The following MAST1 variants were observed in gnomAD, a reference collection of about 807,000 sequenced individuals.
The protein encoded by MAST1 is microtubule associated serine/threonine kinase 1.
MAST1 carries 40 observed loss-of-function variants against 124.6 expected under a neutral mutation model. That is an observed-to-expected ratio of 0.32 (90% CI 0.25 to 0.42). MAST1 has a LOEUF of 0.42. Among genes scored for constraint, MAST1 ranks in the 10% least tolerant of loss-of-function variants. MAST1 has a pLI of 1.00. For missense variants in MAST1, 1,558 were observed against 2,181.9 expected (o/e 0.71, Z 5.70); for synonymous variants, 938 against 939.4 (o/e 1.00, Z 0.03).
chr19:12,857,475 G>T lies in MAST1; in HGVS notation c.1078-887G>T, dbSNP rs1388164746. Among the ~76,000 whole-genome samples the T allele has an allele frequency of 3.1e-4, 47 of 150,246 alleles. No homozygotes were observed. The Admixed American group carries it at 3.1e-3, about 10-fold the overall frequency. Reference sequence around the variant, plus strand: ...CACCCAGGCTGAAGTGCAGTGGCATGATCTCTGCTCACTGCAAGCTCTGCC... The same window carrying T: ...CACCCAGGCTGAAGTGCAGTGGCATTATCTCTGCTCACTGCAAGCTCTGCC... On this transcript the variant is annotated intron_variant, in intron 10 of 25. Transcript: ENST00000251472.
In MAST1 at chr19:12,847,924, A is replaced by T; in HGVS notation, c.641A>T (p.Asp214Val). 6.2e-7 allele frequency: 1 copy of T among 1,614,010 alleles called. No homozygotes were observed. Among genetic ancestry groups the T allele is most frequent in the Non-Finnish European group, 8.5e-7 (1 of 1,179,960 alleles). The change falls in exon 7 of 26, where the codon GAT (aspartate) becomes GTT (valine). Residue 214 changes from aspartate to valine, a missense_variant. By Grantham distance (152) the Asp-to-Val change is radical. Coordinates refer to ENST00000251472, the MANE Select transcript of MAST1 (RefSeq NM_014975.3). The surrounding 1 kb of genome is among the most constrained non-coding windows in gnomAD (Gnocchi z 5.5). The stretch of plus-strand genomic sequence containing the variant: ...CCCGACAGCGTTCTGCCTCTGGCCG[A>T]TGGCGTGCTCAGCTTCATCCACCAC... Reference protein sequence around the residue: ...YEPDSVLPLADGVLSFIHHQI... With the variant: ...YEPDSVLPLAVGVLSFIHHQI...
chr19:12,874,517 G>C lies in MAST1; in HGVS notation c.4360G>C (p.Gly1454Arg). 6.5e-7 allele frequency: 1 copy of C among 1,537,754 alleles called. No homozygotes were observed. Among genetic ancestry groups the C allele is most frequent in the Admixed American group, 1.9e-5 (1 of 51,836 alleles). Residue 1454 changes from glycine to arginine, a missense_variant, in exon 26 of 26, where the codon GGC (glycine) becomes CGC (arginine). Transcript: ENST00000251472. This position sits in a 1 kb window ranked among gnomAD's most constrained non-coding sequence, Gnocchi z 6.6. ...GAKAVVPQPLGADSKGLQEPA... is the reference protein window; with the variant it reads ...GAKAVVPQPLRADSKGLQEPA... Reference sequence around the variant, plus strand: ...TAAGGCTGTGGTGCCTCAGCCTCTGGGCGCGGACTCCAAGGGGTTGCAGGA... The same window carrying C: ...TAAGGCTGTGGTGCCTCAGCCTCTGCGCGCGGACTCCAAGGGGTTGCAGGA...
chr19:12,856,892 G>A (rs2145899709), intron 10 of MAST1, among the ~76,000 whole-genome samples: 1 of 152,258 alleles, frequency 6.6e-6, no homozygotes, highest in East Asian at 1.9e-4. Flanking sequence ...CTGAGTCAAA[G>A]GGAACATGTA....
chr19:12,846,264 G>A (rs138229963), intron 4 of MAST1, among the ~76,000 whole-genome samples: 211 of 151,868 alleles, frequency 1.4e-3, no homozygotes, highest in African/African-American at 5.0e-3. Context: ...TGTTGCCCAG[G>A]CTGGTCTCAA....
chr19:12,869,176 A>G lies in MAST1; in HGVS notation c.2884A>G (p.Ser962Gly), dbSNP rs530482059. Residue 962 changes from serine to glycine, a missense_variant, in exon 22 of 26, where the codon AGT becomes GGT. Around this residue, in one of 10 missense-constraint regions of MAST1, gnomAD observed 291 missense variants for 475.8 expected, o/e 0.61. Coordinates refer to ENST00000251472, the MANE Select transcript of MAST1 (RefSeq NM_014975.3). Reference sequence around the variant, plus strand: ...CAGCCGGGACTACTCACCAGCTGTCAGTGGGCTCCGCTCCCCCATCACCAT... The same window carrying G: ...CAGCCGGGACTACTCACCAGCTGTCGGTGGGCTCCGCTCCCCCATCACCAT... ...SPSRDYSPAVSGLRSPITIQR... is the reference protein window; with the variant it reads ...SPSRDYSPAVGGLRSPITIQR... 6 of 1,614,188 alleles carry G rather than the reference A, an allele frequency of 3.7e-6. No homozygotes were observed. The highest frequency in any genetic ancestry group is 5.1e-6 in the Non-Finnish European group (6 of 1,180,028).
In MAST1 at chr19:12,867,781, C is replaced by G. The variant is rs755178060; in HGVS notation, c.2370C>G (p.Pro790=). The G allele has an allele frequency of 1.5e-5, 23 of 1,562,982 alleles. No homozygotes were observed. The East Asian group carries it at 5.5e-4, about 37-fold the overall frequency. The change falls in exon 20 of 26, where the codon CCC becomes CCG. Residue 790 remains proline (P), a synonymous_variant. Coordinates refer to ENST00000251472, the MANE Select transcript of MAST1 (RefSeq NM_014975.3). ...GTTTCCTGGAGGGAGAGGCCAGTCCCCCTTTGGGCGCCCGCCGCCGTTTCT... is the reference window on the plus strand; with the variant it reads ...GTTTCCTGGAGGGAGAGGCCAGTCCGCCTTTGGGCGCCCGCCGCCGTTTCT... ...EASFLEGEAS[P]PLGARRRFSA... is the part of the protein sequence containing the mutation.
chr19:12,844,823 C>G (rs903753788), intron 4 of MAST1, among the ~76,000 whole-genome samples: 1 of 152,096 alleles, frequency 6.6e-6, no homozygotes, highest in African/African-American at 2.4e-5. Context: ...AGATTTTATT[C>G]TAAATCCAGT....
chr19:12,867,286 G>A (rs921982767), intron 18 of MAST1, among the ~76,000 whole-genome samples, 188 bp from the exon 19 acceptor site: 2 of 152,096 alleles, frequency 1.3e-5, no homozygotes, highest in Admixed American at 6.6e-5. Context: ...AGAATAAAAC[G>A]CAGTGCCTAA....
rs1417086512 is a variant in MAST1, at chr19:12,874,094, G to A, written c.3937G>A (p.Glu1313Lys). The A allele has an allele frequency of 6.4e-7, 1 of 1,566,142 alleles. No homozygotes were observed. The highest frequency in any genetic ancestry group is 1.9e-5 in the Admixed American group (1 of 52,182). Reference protein sequence around the residue: ...ALHSLAESDGETPPVEGLGAP... With the variant: ...ALHSLAESDGKTPPVEGLGAP... ...GCATAGCCTTGCCGAGTCCGACGGT[G>A]AGACGCCCCCAGTCGAGGGCCTTGG... is the stretch of plus-strand genomic sequence containing the variant. Residue 1313 changes from glutamate (E) to lysine (K), a missense_variant, in exon 26 of 26, where the codon GAG (glutamate) becomes AAG (lysine). Transcript: ENST00000251472. This position sits in a 1 kb window ranked among gnomAD's most constrained non-coding sequence, Gnocchi z 6.6.
At position 12,868,845 on chromosome 19, in the gene MAST1, T is replaced by G. The variant is rs1970197139; in HGVS notation, c.2769T>G (p.Pro923=). The change falls in exon 21 of 26, where the codon CCT becomes CCG. Residue 923 remains proline (P), a synonymous_variant. Coordinates refer to ENST00000251472, the MANE Select transcript of MAST1 (RefSeq NM_014975.3). ...CCACTGCCTTATCTGTCATGATTCC[T>G]GCAGGTAATGCTGGGCCCCACCTGG... is the stretch of plus-strand genomic sequence containing the variant. ...ASATALSVMI[P]AVDPHGSSPL... The G allele has an allele frequency of 6.4e-7, 1 of 1,573,698 alleles. No individual in the cohort carries two copies. Among genetic ancestry groups the G allele is most frequent in the Non-Finnish European group, 8.6e-7 (1 of 1,156,734 alleles).
chr19:12,862,521 G>A (rs532704928), intron 12 of MAST1, among the ~76,000 whole-genome samples: 1 of 152,240 alleles, frequency 6.6e-6, no homozygotes, highest in Admixed American at 6.5e-5. Context: ...CCATTTGGAG[G>A]CCCATTATAG....
rs1340629280 is a variant in MAST1, at chr19:12,838,802, G to C, written c.83+147G>C. On this transcript the variant is annotated intron_variant, in intron 1 of 25. Coordinates refer to ENST00000251472, the MANE Select transcript of MAST1 (RefSeq NM_014975.3). This position sits in a 1 kb window ranked among gnomAD's most constrained non-coding sequence, Gnocchi z 4.3. ...GCTGCGCCTTCCCGCCGGGGTTGGG[G>C]TTGAATGGGGGGTGGTGTGGGCCGA... 1 of 659,908 alleles carries C rather than the reference G, an allele frequency of 1.5e-6. No individual in the cohort carries two copies. Among genetic ancestry groups the C allele is most frequent in the Non-Finnish European group, 2.4e-6 (1 of 409,806 alleles). The allele number at this position is 659,908 out of a possible 1,614,324, so 40.9% of individuals were successfully genotyped here.
chr19:12,864,589 C>T (rs1169983716), intron 12 of MAST1, among the ~76,000 whole-genome samples: 1 of 152,050 alleles, frequency 6.6e-6, no homozygotes, highest in African/African-American at 2.4e-5. Context: ...GTCTCCATCC[C>T]TTTGTGTATA....
chr19:12,866,784 G>C lies in MAST1; in HGVS notation c.2139+22G>C, dbSNP rs753527028. The C allele has an allele frequency of 2.5e-6, 4 of 1,579,718 alleles. No homozygotes were observed. The highest frequency in any genetic ancestry group is 3.5e-6 in the Non-Finnish European group (4 of 1,152,636). ...CAAGGTGGGCCAAGTCTGGGTGTGG[G>C]ACAGGGCGAGACCCCAGGAGGGATG... On this transcript the variant is annotated intron_variant, in intron 18 of 25. Coordinates refer to ENST00000251472, the MANE Select transcript of MAST1 (RefSeq NM_014975.3). This position sits in a 1 kb window ranked among gnomAD's most constrained non-coding sequence, Gnocchi z 5.2.
At position 12,858,528 on chromosome 19, in the gene MAST1, C is replaced by T; in HGVS notation, c.1158-3C>T. On this transcript the variant is annotated splice_region_variant and splice_polypyrimidine_tract_variant and intron_variant, in intron 11 of 25. Transcript: ENST00000251472. Reference sequence around the variant, plus strand: ...GGCCGGTCCTCGCTCTCTCCCCCTGCAGCGCTGTCTACCTGGTGCGGCACC... The same window carrying T: ...GGCCGGTCCTCGCTCTCTCCCCCTGTAGCGCTGTCTACCTGGTGCGGCACC... 6.2e-7 allele frequency: 1 copy of T among 1,613,956 alleles called. No individual in the cohort carries two copies. Among genetic ancestry groups the T allele is most frequent in the South Asian group, 1.1e-5 (1 of 91,084 alleles).
chr19:12,842,353 C>T (rs1402893613), intron 3 of MAST1, among the ~76,000 whole-genome samples: 1 of 151,570 alleles, frequency 6.6e-6, no homozygotes, highest in African/African-American at 2.4e-5. Flanking sequence ...AGTGCAATGG[C>T]GGGATCTCGG....
Position 12,847,642 on chromosome 19 carries a change from C to A in MAST1, c.519C>A (p.Asn173Lys), listed in dbSNP as rs1482167237. The change falls in exon 6 of 26, where the codon AAC (asparagine) becomes AAA (lysine). Residue 173 changes from asparagine (N) to lysine (K), a missense_variant. By Grantham distance (94) the Asn-to-Lys change is moderately conservative. Coordinates refer to ENST00000251472, the MANE Select transcript of MAST1 (RefSeq NM_014975.3). This position sits in a 1 kb window ranked among gnomAD's most constrained non-coding sequence, Gnocchi z 5.5. ...SPGRSPSSYD[N>K]EIVMMNHVYK... ...GGCGCTCCCCCTCCTCCTACGACAA[C>A]GAGATCGTGATGATGAATCACGTCT... is the stretch of plus-strand genomic sequence containing the variant. 4.3e-6 allele frequency: 7 copies of A among 1,614,138 alleles called. No individual in the cohort carries two copies. The highest frequency in any genetic ancestry group is 5.9e-6 in the Non-Finnish European group (7 of 1,180,014).
intron 7 of MAST1, among the ~76,000 whole-genome samples, chr19:12,850,017 C>CT (rs897164047): frequency 6.6e-5 from 10 of 152,000 alleles, no homozygotes; most frequent in African/African-American, 2.2e-4. Flanking sequence ...AGGCTGGTCT[C>CT]TAACTCCTGA....
Position 12,873,747 on chromosome 19 carries a change from A to G in MAST1, c.3590A>G (p.Lys1197Arg), listed in dbSNP as rs1599593996. 1 of 1,601,920 alleles carries G rather than the reference A, an allele frequency of 6.2e-7. No homozygotes were observed. The highest frequency in any genetic ancestry group is 8.5e-7 in the Non-Finnish European group (1 of 1,179,290). Residue 1197 changes from lysine (K) to arginine (R), a missense_variant, in exon 26 of 26, where the codon AAG becomes AGG. Transcript: ENST00000251472. The part of the protein sequence containing the change: ...LHRQYRSARC[K>R]SAGNIPLSPL... ...CGCCAGTACCGCTCTGCGCGATGCA[A>G]GTCGGCCGGCAACATCCCTCTATCG... is the stretch of plus-strand genomic sequence containing the variant.
Sources: allele counts gnomAD v4.1 joint callset (sites outside exome capture counted in the v4.1 genomes callset), GRCh38; gene constraint gnomAD v4.1.1; regional missense constraint gnomAD v4.1.1; non-coding constraint Gnocchi (gnomAD v3.1); transcripts MANE v1.5; gene names NCBI Gene and HGNC (gene_info 2026-07-23, HGNC 2026-07-21).